The following PTPRC variants were observed in gnomAD, a reference collection of about 807,000 sequenced individuals.
PTPRC encodes the protein receptor-type tyrosine-protein phosphatase C.
PTPRC carries 44 observed loss-of-function variants against 155.9 expected under a neutral mutation model. The observed-to-expected ratio is 0.28, with a 90% CI of 0.22 to 0.36. PTPRC has a LOEUF of 0.36. Among genes scored for constraint, PTPRC ranks in the 10% least tolerant of loss-of-function variants. The pLI is 1.00. For synonymous variants in PTPRC, 525 were observed against 533.1 expected (o/e 0.98, Z 0.21); for missense variants, 1,401 against 1,564.6 (o/e 0.90, Z 1.76).
At chr1:198,670,879 A>G (rs186207777) in intron 2 of PTPRC, among the ~76,000 whole-genome samples, 19 of 152,326 alleles carry the variant, frequency 1.2e-4, no homozygotes, top group Non-Finnish European at 1.6e-4. Context: ...ACAATACATC[A>G]TAAAAATAAT....
chr1:198,644,459 C>G (rs912505202), intron 2 of PTPRC, among the ~76,000 whole-genome samples: 5 of 151,780 alleles, frequency 3.3e-5, no homozygotes, highest in African/African-American at 9.7e-5. Context: ...GTACCTGGCT[C>G]TAACCAATAT....
chr1:198,725,170 G>T (rs1485211979), intron 15 of PTPRC, among the ~76,000 whole-genome samples: 1 of 152,104 alleles, frequency 6.6e-6, no homozygotes, highest in Non-Finnish European at 1.5e-5. Flanking sequence ...ATATATCTGA[G>T]AATTCTTTGC....
chr1:198,697,187 A>G (rs1474098187), intron 4 of PTPRC, among the ~76,000 whole-genome samples: 7 of 151,986 alleles, frequency 4.6e-5, no homozygotes, highest in Admixed American at 4.6e-4. Flanking sequence ...ATCTATACAC[A>G]CTCGCCATGA....
chr1:198,728,372 T>C lies in PTPRC; in HGVS notation c.1753T>C (p.Phe585Leu), dbSNP rs1558026203. Residue 585 changes from phenylalanine (F) to leucine (L), a missense_variant, in exon 16 of 33, where the codon TTT becomes CTT. Coordinates refer to ENST00000442510, the MANE Select transcript of PTPRC (RefSeq NM_002838.5). Reference protein sequence around the residue: ...NSKALIAFLAFLIIVTSIALL... With the variant: ...NSKALIAFLALLIIVTSIALL... ...TAAGGCACTGATAGCATTTCTGGCA[T>C]TTCTGATTATTGTGACATCAATAGC... is the stretch of plus-strand genomic sequence containing the variant. The C allele has an allele frequency of 1.2e-6, 2 of 1,613,140 alleles. No homozygotes were observed. Among genetic ancestry groups the C allele is most frequent in the Non-Finnish European group, 1.7e-6 (2 of 1,179,566 alleles).
chr1:198,686,586 T>C (rs927145987), intron 2 of PTPRC, among the ~76,000 whole-genome samples: 1 of 152,048 alleles, frequency 6.6e-6, no homozygotes, highest in Non-Finnish European at 1.5e-5. Flanking sequence ...GTCACACACC[T>C]ACACATGTGC....
intron 2 of PTPRC, among the ~76,000 whole-genome samples, chr1:198,674,569 T>C (rs1664839230): frequency 6.7e-6 from 1 of 148,684 alleles, no homozygotes; most frequent in South Asian, 2.1e-4. Flanking sequence ...TAATAACATA[T>C]AATTATAACA....
At chr1:198,642,909 T>TTTCC (rs1662688623) in intron 2 of PTPRC, among the ~76,000 whole-genome samples, 4 of 119,800 alleles carry the variant, frequency 3.3e-5, no homozygotes, top group Admixed American at 1.7e-4. Context: ...TCTTTCTTCC[T>TTTCC]TTCTTTCTTT....
At chr1:198,710,094 T>C (rs946538291) in intron 11 of PTPRC, among the ~76,000 whole-genome samples, 1 of 152,218 alleles carries the variant, frequency 6.6e-6, no homozygotes, top group Non-Finnish European at 1.5e-5. Flanking sequence ...TAAATTTAGC[T>C]CTGTTACCCA....
intron 2 of PTPRC, among the ~76,000 whole-genome samples, chr1:198,677,431 T>C (rs1232441566): frequency 2.0e-5 from 3 of 152,086 alleles, no homozygotes; most frequent in African/African-American, 7.2e-5. Flanking sequence ...CTTTCTGAAA[T>C]GTACTAGATT....
chr1:198,668,895 AT>A lies in PTPRC; in HGVS notation c.74-23451del, dbSNP rs545905152. ...ACCCCACTTTACCTGCCATCTATCCATGGAAGCAGCAATAAGACCACCTGAG... is the reference window on the plus strand; with the variant it reads ...ACCCCACTTTACCTGCCATCTATCCAGGAAGCAGCAATAAGACCACCTGAG... On this transcript the variant is annotated intron_variant, in intron 2 of 32. Transcript: ENST00000442510. 1.1e-3 allele frequency among the ~76,000 whole-genome samples: 172 copies of A among 152,324 alleles called. 3 individuals are homozygous for A. In the South Asian group the frequency reaches 0.034, roughly 30 times the overall value.
chr1:198,704,604 T>A, intron 8 of PTPRC, 106 bp downstream of exon 8: 1 of 1,597,622 alleles, frequency 6.3e-7, no homozygotes, highest in South Asian at 1.1e-5. Context: ...CTAAACTCAC[T>A]GGCTCTAATT....
At chr1:198,741,560 T>C (rs532565808) in intron 23 of PTPRC, among the ~76,000 whole-genome samples, 88 of 152,000 alleles carry the variant, frequency 5.8e-4, no homozygotes, top group African/African-American at 2.1e-3. Flanking sequence ...CTTGACAGCA[T>C]GCAAGTTCCT....
rs1225265547 is a variant in PTPRC, at chr1:198,736,515, A to G, written c.2403+1263A>G. ...CATCCATGTTGTTGCAAATGACTAG[A>G]TCTTACCCCTTTTTATGGCTGAATA... On this transcript the variant is annotated intron_variant, in intron 23 of 32. Coordinates refer to ENST00000442510, the MANE Select transcript of PTPRC (RefSeq NM_002838.5). Among the ~76,000 whole-genome samples, 4 of 151,676 alleles carry G rather than the reference A, an allele frequency of 2.6e-5. No homozygotes were observed. The Admixed American group carries it at 2.6e-4, about 10-fold the overall frequency.
Position 198,665,079 on chromosome 1 carries a change from C to CCTTTTTTT in PTPRC, c.73+25738_73+25739insCTTTTTTT, listed in dbSNP as rs1557979011. On this transcript the variant is annotated intron_variant, in intron 2 of 32. Transcript: ENST00000442510. ...GAGTGTTTTTAGAACATCCCGGCAG[C>CCTTTTTTT]ATTTTTTTTTTTTTTTTTTTTTTTT... 3.9e-5 allele frequency among the ~76,000 whole-genome samples: 4 copies of CCTTTTTTT among 102,244 alleles called. 1 individual carries two copies. The highest frequency in any genetic ancestry group is 4.1e-5 in the Non-Finnish European group (2 of 49,286). The allele number at this position is 102,244 out of a possible 152,430, so 67.1% of individuals were successfully genotyped here.
intron 12 of PTPRC, among the ~76,000 whole-genome samples, chr1:198,714,794 C>A (rs1476304670): frequency 2.0e-5 from 3 of 152,106 alleles, no homozygotes; most frequent in Non-Finnish European, 4.4e-5. Context: ...TATTAAAAAT[C>A]CACAGGAAGA....
At chr1:198,654,946 A>G (rs1334264198) in intron 2 of PTPRC, among the ~76,000 whole-genome samples, 2 of 152,036 alleles carry the variant, frequency 1.3e-5, no homozygotes, top group East Asian at 3.9e-4. Flanking sequence ...TGTCAAATCA[A>G]TTCAATTAAA....
At chr1:198,729,678 T>C (rs1285867419) in intron 17 of PTPRC, among the ~76,000 whole-genome samples, 1 of 152,208 alleles carries the variant, frequency 6.6e-6, no homozygotes. Flanking sequence ...TGCCAGGTAC[T>C]GAGAGTACTA....
chr1:198,750,465 A>G lies in PTPRC; in HGVS notation c.3073-27A>G. The G allele has an allele frequency of 2.5e-6, 4 of 1,606,794 alleles. No homozygotes were observed. The South Asian group carries it at 4.4e-5, about 18-fold the overall frequency. The stretch of plus-strand genomic sequence containing the variant: ...ACTGAGCTCTCTTCTGTAGTAACGA[A>G]GTCCCACCCTTTTTTTGTCTAAAAA... On this transcript the variant is annotated intron_variant, in intron 28 of 32. Transcript: ENST00000442510.
chr1:198,699,976 G>A (rs888854603), intron 5 of PTPRC: 7 of 535,356 alleles, frequency 1.3e-5, no homozygotes, highest in Non-Finnish European at 2.3e-5. Context: ...TATATTTCAG[G>A]CAATTACCAT....
Sources: allele counts gnomAD v4.1 joint callset (sites outside exome capture counted in the v4.1 genomes callset), GRCh38; gene constraint gnomAD v4.1.1; transcripts MANE v1.5; gene names NCBI Gene and HGNC (gene_info 2026-07-23, HGNC 2026-07-21).